Variants in TTC27 observed in about 807,000 individuals in gnomAD.
TTC27 encodes the protein tetratricopeptide repeat domain 27, also known as tetratricopeptide repeat protein 27.
TTC27 carries 79 observed loss-of-function variants against 115.9 expected under a neutral mutation model. The ratio of observed to expected loss-of-function variants is 0.68; its 90% CI spans 0.57 to 0.82. The LOEUF is 0.82. Among genes scored for constraint, TTC27 ranks in the 40% least tolerant of loss-of-function variants. The pLI, the probability that TTC27 is intolerant of heterozygous loss-of-function variation, is 0.00. For synonymous variants in TTC27, 401 were observed against 356.0 expected (o/e 1.13, Z -1.42); for missense variants, 1,054 against 993.1 (o/e 1.06, Z -0.82).
intron 17 of TTC27, among the ~76,000 whole-genome samples, chr2:32,811,523 A>G (rs896492454): frequency 2.6e-5 from 4 of 151,932 alleles, no homozygotes; most frequent in Non-Finnish European, 5.9e-5. Flanking sequence ...TTTGTTATTT[A>G]CTCCATACCC....
chr2:32,678,293 T>A (rs570090546), intron 8 of TTC27, among the ~76,000 whole-genome samples: 1 of 152,070 alleles, frequency 6.6e-6, no homozygotes, highest in South Asian at 2.1e-4. Context: ...TGTTGACATT[T>A]AGTACACCAA....
At chr2:32,797,242 T>A (rs1670734298) in intron 16 of TTC27, among the ~76,000 whole-genome samples, 1 of 151,148 alleles carries the variant, frequency 6.6e-6, no homozygotes, top group African/African-American at 2.4e-5. Context: ...GGCATGATCA[T>A]AGCTTACTGC....
chr2:32,695,200 C>T (rs887903699), intron 9 of TTC27, among the ~76,000 whole-genome samples: 1 of 152,154 alleles, frequency 6.6e-6, no homozygotes, highest in African/African-American at 2.4e-5. Context: ...TTTCTCCCCT[C>T]CCTTTAGCCC....
At position 32,735,556 on chromosome 2, in the gene TTC27, C is replaced by T. The variant is rs115150926; in HGVS notation, c.1330-1138C>T. 9.5e-3 allele frequency among the ~76,000 whole-genome samples: 1,446 copies of T among 152,208 alleles called. 13 individuals carry two copies. The highest frequency in any genetic ancestry group is 0.024 in the Middle Eastern group (7 of 294). ...AGATAAGGATCATTTTTCATTAAGA[C>T]GTTAATTACTTTTTCTTGCATCATG... is the stretch of plus-strand genomic sequence containing the variant. On this transcript the variant is annotated intron_variant, in intron 11 of 19. Coordinates refer to ENST00000317907, the MANE Select transcript of TTC27 (RefSeq NM_017735.5).
chr2:32,785,445 T>C (rs746545417), intron 15 of TTC27, among the ~76,000 whole-genome samples: 5 of 152,164 alleles, frequency 3.3e-5, no homozygotes, highest in East Asian at 1.9e-4. Flanking sequence ...ATCAGATGTA[T>C]GTTTGAGTCT....
chr2:32,706,549 C>A (rs1667374472), intron 10 of TTC27, among the ~76,000 whole-genome samples: 2 of 152,064 alleles, frequency 1.3e-5, no homozygotes, highest in African/African-American at 4.8e-5. Context: ...ACCTCAATAT[C>A]CATTCTCCCT....
At chr2:32,799,992 C>T (rs969103619) in intron 16 of TTC27, among the ~76,000 whole-genome samples, 8 of 152,206 alleles carry the variant, frequency 5.3e-5, no homozygotes, top group Admixed American at 2.0e-4. Flanking sequence ...TTCTGCCAGT[C>T]ACTGGCTGCG....
intron 10 of TTC27, among the ~76,000 whole-genome samples, chr2:32,723,728 C>CTCCCTCCCTCCCTCCCTCCCTCCT: frequency 3.4e-5 from 1 of 29,514 alleles, no homozygotes; most frequent in African/African-American, 1.7e-4. Context: ...CCCTCCCTCC[C>CTCCCTCCCTCCCTCCCTCCCTCCT]TCCTTCCTTC....
At chr2:32,687,659 A>G (rs892940304) in intron 9 of TTC27, among the ~76,000 whole-genome samples, 1 of 152,246 alleles carries the variant, frequency 6.6e-6, no homozygotes, top group African/African-American at 2.4e-5. Flanking sequence ...GATTTGCTAA[A>G]TTATTATAAA....
chr2:32,769,472 G>A (rs1479436734), intron 13 of TTC27, among the ~76,000 whole-genome samples: 1 of 152,168 alleles, frequency 6.6e-6, no homozygotes, highest in Non-Finnish European at 1.5e-5. Context: ...AGAGACAAAT[G>A]TAGAGTGTTG....
chr2:32,698,721 C>A (rs561369454), intron 9 of TTC27, among the ~76,000 whole-genome samples: 2 of 151,720 alleles, frequency 1.3e-5, no homozygotes, highest in East Asian at 3.9e-4. Context: ...ACCTCATGAT[C>A]CGCCCGCCTC....
rs773866319 is a variant in TTC27 at position 32,812,604 on chromosome 2, G to A, written c.2297G>A (p.Gly766Glu). The change falls in exon 18 of 20, where the codon GGA becomes GAA. Residue 766 changes from glycine (G) to glutamate (E), a missense_variant. Gly to Glu is a moderately conservative substitution (Grantham distance 98). Transcript: ENST00000317907. Reference protein sequence around the residue: ...SFKEVVQRALGLAHVAIKCSK... With the variant: ...SFKEVVQRALELAHVAIKCSK... ...AAGGAAGTTGTTCAAAGAGCCTTAG[G>A]ACTTGCACATGGTATTTGATGTAAC... The A allele has an allele frequency of 4.3e-6, 7 of 1,611,614 alleles. No individual in the cohort carries two copies. In the East Asian group the frequency reaches 1.3e-4, roughly 31 times the overall value.
chr2:32,709,858 A>T lies in TTC27; in HGVS notation c.1233+6938A>T, dbSNP rs1248466559. Among the ~76,000 whole-genome samples, 3 of 152,240 alleles carry T rather than the reference A, an allele frequency of 2.0e-5. No homozygotes were observed. The East Asian group carries it at 5.8e-4, about 29-fold the overall frequency. On this transcript the variant is annotated intron_variant, in intron 10 of 19. Coordinates refer to ENST00000317907, the MANE Select transcript of TTC27 (RefSeq NM_017735.5). The stretch of plus-strand genomic sequence containing the variant: ...ATCTTCAATTATGGTGGATTATACC[A>T]TTGTTTTAAAGTTTATTAAAAATTC...
rs1666236318 is a variant in TTC27, at chr2:32,677,056, A to G, written c.1053-1800A>G. Among the ~76,000 whole-genome samples, 3 of 152,232 alleles carry G rather than the reference A, an allele frequency of 2.0e-5. No homozygotes were observed. The South Asian group carries it at 6.2e-4, about 32-fold the overall frequency. On this transcript the variant is annotated intron_variant, in intron 8 of 19. Coordinates refer to ENST00000317907, the MANE Select transcript of TTC27 (RefSeq NM_017735.5). ...TTTGTCATTTTCTTGCCTTTTAAAA[A>G]AAATTTTAATTTCATGTTTTGTATG...
chr2:32,689,061 G>A (rs761771027), intron 9 of TTC27, among the ~76,000 whole-genome samples: 3 of 152,074 alleles, frequency 2.0e-5, no homozygotes, highest in Non-Finnish European at 4.4e-5. Context: ...AAATGCAACA[G>A]CATGGATGAA....
At chr2:32,772,288 A>G (rs1669853860) in intron 13 of TTC27, among the ~76,000 whole-genome samples, 1 of 152,130 alleles carries the variant, frequency 6.6e-6, no homozygotes, top group Non-Finnish European at 1.5e-5. Flanking sequence ...TAAGCCAGTT[A>G]TTTCCTTTGT....
intron 10 of TTC27, among the ~76,000 whole-genome samples, chr2:32,703,129 CT>C (rs1559213544): frequency 1.3e-5 from 2 of 152,158 alleles, no homozygotes; most frequent in African/African-American, 4.8e-5. Flanking sequence ...GGTATTTAAC[CT>C]CTCCAAACCT....
intron 5 of TTC27, among the ~76,000 whole-genome samples, chr2:32,653,464 T>G (rs893456221): frequency 1.3e-5 from 2 of 151,910 alleles, no homozygotes; most frequent in African/African-American, 2.4e-5. Context: ...CATTGTGGTG[T>G]GTGCCTGTAA....
rs112304999 is a variant in TTC27 at position 32,660,518 on chromosome 2, G to A, written c.641-3785G>A. Among the ~76,000 whole-genome samples the A allele has an allele frequency of 2.0e-5, 3 of 151,884 alleles. No homozygotes were observed. The East Asian group carries it at 5.8e-4, about 29-fold the overall frequency. On this transcript the variant is annotated intron_variant, in intron 5 of 19. Coordinates refer to ENST00000317907, the MANE Select transcript of TTC27 (RefSeq NM_017735.5). Reference sequence around the variant, plus strand: ...AGGAACAGAAAACCGAACACTGCATGTTCTCACTCATAAGTGGGAGTTGAA... The same window carrying A: ...AGGAACAGAAAACCGAACACTGCATATTCTCACTCATAAGTGGGAGTTGAA...
Sources: allele counts gnomAD v4.1 joint callset (sites outside exome capture counted in the v4.1 genomes callset), GRCh38; gene constraint gnomAD v4.1.1; transcripts MANE v1.5; gene names NCBI Gene and HGNC (gene_info 2026-07-23, HGNC 2026-07-21).